Variants in IL16 observed in about 807,000 individuals in gnomAD.
The protein encoded by IL16 is interleukin 16.
A neutral mutation model predicts 110.1 loss-of-function variants in IL16; 67 were observed. That is an observed-to-expected ratio of 0.61 (90% CI 0.50 to 0.75). IL16 has a LOEUF of 0.75. Among genes scored for constraint, IL16 ranks in the 30% least tolerant of loss-of-function variants. The pLI, the probability that IL16 is intolerant of heterozygous loss-of-function variation, is 0.00. For missense variants in IL16, 1,545 were observed against 1,655.0 expected, an observed-to-expected ratio of 0.93 and a Z score of 1.15; for synonymous variants, 689 against 662.9, an observed-to-expected ratio of 1.04 and a Z score of -0.61.
At chr15:81,205,864 T>A (rs1044086481) in intron 1 of IL16, among the ~76,000 whole-genome samples, 2 of 152,188 alleles carry the variant, frequency 1.3e-5, no homozygotes, top group Non-Finnish European at 2.9e-5. Context: ...GAGGTGTCAG[T>A]GTTAATTTTG....
At chr15:81,284,020 A>AG (rs1430135381) in intron 9 of IL16, among the ~76,000 whole-genome samples, 1 of 146,290 alleles carries the variant, frequency 6.8e-6, no homozygotes, top group African/African-American at 2.6e-5. Flanking sequence ...AAAAAAAAAA[A>AG]AAAGAGAGAG....
chr15:81,293,430 C>T (rs1048773316), intron 12 of IL16, among the ~76,000 whole-genome samples: 4 of 152,136 alleles, frequency 2.6e-5, no homozygotes, highest in African/African-American at 9.7e-5. Flanking sequence ...GGGCCTGGCA[C>T]GGTGGCTCAT....
chr15:81,219,161 C>T (rs1896533469), intron 1 of IL16, among the ~76,000 whole-genome samples: 1 of 152,164 alleles, frequency 6.6e-6, no homozygotes, highest in African/African-American at 2.4e-5. Context: ...GCTTGTCCAT[C>T]TTCCCAATTA....
intron 3 of IL16, among the ~76,000 whole-genome samples, chr15:81,264,026 G>T (rs993450582): frequency 6.6e-6 from 1 of 152,180 alleles, no homozygotes; most frequent in Non-Finnish European, 1.5e-5. Context: ...GACCCGAAAC[G>T]TGCAGATATG....
intron 5 of IL16, among the ~76,000 whole-genome samples, chr15:81,271,522 A>G (rs1898640656): frequency 6.6e-6 from 1 of 151,864 alleles, no homozygotes; most frequent in Non-Finnish European, 1.5e-5. Context: ...GAGACGGGGG[A>G]CCTGGGAGGT....
chr15:81,284,496 C>T (rs1174004723), intron 9 of IL16, among the ~76,000 whole-genome samples: 1 of 152,212 alleles, frequency 6.6e-6, no homozygotes, highest in Non-Finnish European at 1.5e-5. Flanking sequence ...CAGAGAGTAC[C>T]TCCTTCTTAG....
intron 2 of IL16, among the ~76,000 whole-genome samples, chr15:81,242,577 C>G (rs1595985101): frequency 6.6e-6 from 1 of 152,142 alleles, no homozygotes; most frequent in Non-Finnish European, 1.5e-5. Context: ...TTTTTGTAAG[C>G]TAATTTTATA....
At chr15:81,257,087 A>G (rs1897974373) in intron 2 of IL16, among the ~76,000 whole-genome samples, 1 of 152,312 alleles carries the variant, frequency 6.6e-6, no homozygotes, top group Non-Finnish European at 1.5e-5. Flanking sequence ...TACCTTCTCT[A>G]TAGTCACTGC....
intron 5 of IL16, among the ~76,000 whole-genome samples, chr15:81,272,005 G>A (rs921532883): frequency 3.3e-5 from 5 of 152,184 alleles, no homozygotes; most frequent in African/African-American, 9.7e-5. Flanking sequence ...GTCTGTCTAG[G>A]AGCCAAGCTA....
intron 2 of IL16, among the ~76,000 whole-genome samples, chr15:81,234,654 A>G (rs1200108786): frequency 6.6e-6 from 1 of 152,050 alleles, no homozygotes; most frequent in African/African-American, 2.4e-5. Context: ...ATTAATTTAA[A>G]TGTTTACATT....
At chr15:81,300,550 C>T (rs11630277) in intron 14 of IL16, 75 bp downstream of exon 14, 181,177 of 922,064 alleles carry the variant, frequency 0.2, 21,023 homozygotes, top group African/African-American at 0.47. Context: ...TAAAAATAAT[C>T]CTATATATAA....
intron 2 of IL16, among the ~76,000 whole-genome samples, chr15:81,239,196 G>A (rs1444059187): frequency 6.6e-6 from 1 of 151,996 alleles, no homozygotes; most frequent in Non-Finnish European, 1.5e-5. Context: ...TTGTATCTTG[G>A]ACATTTTGAT....
intron 10 of IL16, 68 bp from the exon 11 acceptor site, chr15:81,290,385 G>A: frequency 9.1e-7 from 1 of 1,098,988 alleles, no homozygotes; most frequent in South Asian, 1.4e-5. Context: ...TTTGGAGCTG[G>A]TACGGGGCTG....
intron 1 of IL16, among the ~76,000 whole-genome samples, chr15:81,222,745 G>GACACAC (rs71718505): frequency 0.13 from 19,010 of 148,276 alleles, 1,566 homozygotes; most frequent in East Asian, 0.32. Context: ...CACACTCACA[G>GACACAC]ACACACACAC....
chr15:81,245,841 G>T (rs1567016151), intron 2 of IL16, among the ~76,000 whole-genome samples: 2 of 140,374 alleles, frequency 1.4e-5, no homozygotes, highest in East Asian at 4.3e-4. Context: ...GTCATTCCTT[G>T]GGTACCAAGG....
At chr15:81,262,655 G>A (rs1898203076) in intron 3 of IL16, among the ~76,000 whole-genome samples, 1 of 152,198 alleles carries the variant, frequency 6.6e-6, no homozygotes, top group East Asian at 1.9e-4. Context: ...CTTAAGGCCG[G>A]GCGCAGTGGC....
chr15:81,265,514 TC>T, intron 3 of IL16, 144 bp from the exon 4 acceptor site: 1 of 819,658 alleles, frequency 1.2e-6, no homozygotes. Flanking sequence ...CGGCCACCTC[TC>T]CCCACCACGC....
Position 81,306,085 on chromosome 15 carries a change from C to G in IL16, c.3598C>G (p.Pro1200Ala), listed in dbSNP as rs1386911263. The change falls in exon 17 of 19, where the codon CCA becomes GCA. Residue 1200 changes from proline (P) to alanine (A), a missense_variant. By Grantham distance (27) the Pro-to-Ala change is conservative. Around this residue, in one of 3 missense-constraint regions of IL16, gnomAD observed 356 missense variants for 399.3 expected, o/e 0.89. Coordinates refer to ENST00000683961, the MANE Select transcript of IL16 (RefSeq NM_172217.5). ...QAVIVTRKLT[P>A]EAMPDLNSST... ...TGTGATTGTCACAAGGAAGCTGACT[C>G]CAGAGGCCATGCCCGACCTCAACTC... 6.2e-7 allele frequency: 1 copy of G among 1,614,180 alleles called. No individual in the cohort carries two copies. Among genetic ancestry groups the G allele is most frequent in the Non-Finnish European group, 8.5e-7 (1 of 1,180,036 alleles).
At chr15:81,243,306 G>T (rs1363126165) in intron 2 of IL16, among the ~76,000 whole-genome samples, 47 of 147,358 alleles carry the variant, frequency 3.2e-4, no homozygotes, top group Admixed American at 3.1e-3. Context: ...CTCTCAAATG[G>T]CTGGGACCAT....
Sources: gnomAD v4.1 joint callset for allele counts (sites outside exome capture counted in the v4.1 genomes callset) on GRCh38, gnomAD v4.1.1 for gene constraint, gnomAD v4.1.1 regional missense constraint, MANE v1.5 for transcripts, NCBI Gene and HGNC (gene_info 2026-07-23, HGNC 2026-07-21) for gene names.